SEM1: variants seen among roughly 807,000 people sequenced by gnomAD.
The protein encoded by SEM1 is 26S proteasome complex subunit SEM1.
In SEM1, 3 loss-of-function variants were observed where a neutral mutation model predicts 12.7. That is an observed-to-expected ratio of 0.24 (90% CI 0.11 to 0.61). The LOEUF (loss-of-function observed/expected upper bound fraction) is 0.61, where lower values mean the gene tolerates loss of function less well. Ranked by LOEUF, SEM1 falls within the 20% of genes least tolerant of loss-of-function variation. The pLI is 0.88. For synonymous variants in SEM1, 30 were observed against 27.8 expected (o/e 1.08, Z -0.25); for missense variants, 59 against 81.3 (o/e 0.73, Z 1.06).
intron 2 of SEM1, among the ~76,000 whole-genome samples, chr7:96,579,688 G>C (rs1056158925): frequency 3.8e-4 from 58 of 152,104 alleles, no homozygotes; most frequent in African/African-American, 1.4e-3. Context: ...ACTGCCTCTT[G>C]AAAAGAGTAA....
intron 2 of SEM1, among the ~76,000 whole-genome samples, chr7:96,616,308 T>C (rs1807718821): frequency 6.6e-6 from 1 of 152,226 alleles, no homozygotes; most frequent in Non-Finnish European, 1.5e-5. Flanking sequence ...TGCTGAACAT[T>C]TTTTCATGTT....
intron 1 of SEM1, among the ~76,000 whole-genome samples, chr7:96,701,262 T>C (rs1390029643): frequency 6.6e-6 from 1 of 150,690 alleles, no homozygotes; most frequent in Non-Finnish European, 1.5e-5. Context: ...CCCCAAAAAT[T>C]CTTATGTTGA....
intron 2 of SEM1, among the ~76,000 whole-genome samples, chr7:96,608,372 A>G (rs995914040): frequency 2.0e-5 from 3 of 148,974 alleles, no homozygotes; most frequent in African/African-American, 7.4e-5. Context: ...CACTACTTCC[A>G]TTTTTTTTTT....
chr7:96,590,182 G>T (rs1390455313), intron 2 of SEM1, among the ~76,000 whole-genome samples: 1 of 151,948 alleles, frequency 6.6e-6, no homozygotes. Context: ...ATCAGTTTTG[G>T]CTTTACTCAA....
intron 2 of SEM1, among the ~76,000 whole-genome samples, chr7:96,534,149 T>C (rs1165188968): frequency 6.6e-6 from 1 of 152,070 alleles, no homozygotes; most frequent in African/African-American, 2.4e-5. Context: ...TATACTTAGG[T>C]GTTTGGCAGA....
chr7:96,673,444 A>T (rs1426318167), downstream of SEM1: 2 of 261,656 alleles, frequency 7.6e-6, no homozygotes, highest in Non-Finnish European at 1.5e-5. Context: ...ATGACTTTCC[A>T]CTGAACACTG....
At chr7:96,630,169 C>T (rs1006764495) in intron 2 of SEM1, among the ~76,000 whole-genome samples, 5 of 152,242 alleles carry the variant, frequency 3.3e-5, no homozygotes, top group African/African-American at 1.2e-4. Context: ...TAGGGCTCTA[C>T]ACTTAGCAGG....
chr7:96,697,740 AAAGAG>A (rs1166319366), intron 1 of SEM1, among the ~76,000 whole-genome samples: 4 of 152,138 alleles, frequency 2.6e-5, no homozygotes, highest in Admixed American at 2.6e-4. Flanking sequence ...GGTGTGTGTA[AAAGAG>A]AAGAGCAATA....
At chr7:96,583,829 A>G (rs1806505523) in intron 2 of SEM1, among the ~76,000 whole-genome samples, 1 of 150,254 alleles carries the variant, frequency 6.7e-6, no homozygotes, top group South Asian at 2.2e-4. Context: ...TGCTTGGTAG[A>G]TCTTCCTCCA....
intron 3 of SEM1, among the ~76,000 whole-genome samples, chr7:96,504,194 G>T (rs1803668514): frequency 6.6e-6 from 1 of 152,064 alleles, no homozygotes; most frequent in Non-Finnish European, 1.5e-5. Context: ...AACCTCACAG[G>T]TATGTTGTTT....
chr7:96,706,570 C>CAAA lies in SEM1; in HGVS notation c.76+3115_76+3117dup, dbSNP rs67892273. On this transcript the variant is annotated intron_variant, in intron 1 of 2. Transcript: ENST00000248566. ...AGAGTGAAACTCCATCTCAAACAAA[C>CAAA]AAAAAAAAAAAAAAAAAAAAAAAAA... 8.3e-3 allele frequency among the ~76,000 whole-genome samples: 649 copies of CAAA among 78,084 alleles called. 1 individual carries two copies. The highest frequency in any genetic ancestry group is 0.02 in the African/African-American group (393 of 19,436). The allele number at this position is 78,084 out of a possible 152,430, so 51.2% of individuals were successfully genotyped here.
intron 2 of SEM1, among the ~76,000 whole-genome samples, chr7:96,563,363 G>A (rs1364787871): frequency 1.3e-5 from 2 of 151,974 alleles, no homozygotes; most frequent in Non-Finnish European, 2.9e-5. Flanking sequence ...GGGAAAAAAA[G>A]GAGAAAATAT....
At chr7:96,622,278 AT>A (rs201437995), downstream of SEM1, 1 of 229,772 alleles carries the variant, frequency 4.4e-6, no homozygotes, top group African/African-American at 2.3e-5. Flanking sequence ...GAAAAAAAAA[AT>A]AAAACTAATG....
At chr7:96,579,544 T>G (rs570841848) in intron 2 of SEM1, among the ~76,000 whole-genome samples, 1 of 152,294 alleles carries the variant, frequency 6.6e-6, no homozygotes, top group African/African-American at 2.4e-5. Flanking sequence ...AGAAGCACAT[T>G]GCAGCAATAG....
chr7:96,639,992 A>G (rs563486997), intron 2 of SEM1, among the ~76,000 whole-genome samples: 1 of 151,990 alleles, frequency 6.6e-6, no homozygotes, highest in Non-Finnish European at 1.5e-5. Flanking sequence ...CGTCAAATAA[A>G]TGCAAATTAA....
chr7:96,704,183 G>A (rs986636398), intron 1 of SEM1, among the ~76,000 whole-genome samples: 7 of 151,802 alleles, frequency 4.6e-5, no homozygotes, highest in East Asian at 1.9e-4. Flanking sequence ...AGTATATATC[G>A]TATGTCTTCT....
chr7:96,585,208 G>T lies in SEM1; in HGVS notation c.171-78510C>A, dbSNP rs553972482. Among the ~76,000 whole-genome samples the T allele has an allele frequency of 3.9e-5, 6 of 152,282 alleles. No individual in the cohort carries two copies. The South Asian group carries it at 1.2e-3, about 32-fold the overall frequency. ...TAACAGACAGGACCCTCAGCTGCAG[G>T]TCTGTTGGAATACCCTGCCGTGTGA... is the stretch of plus-strand genomic sequence containing the variant. On this transcript the variant is annotated intron_variant and NMD_transcript_variant, in intron 2 of 3. Transcript: ENST00000466986.
In SEM1 at chr7:96,692,980, G is replaced by A. The variant is rs182917125; in HGVS notation, c.170+1818C>T. Among the ~76,000 whole-genome samples the A allele has an allele frequency of 9.2e-5, 14 of 151,946 alleles. No individual in the cohort carries two copies. In the East Asian group the frequency reaches 2.5e-3, roughly 27 times the overall value. ...TGAGACACGGAAATGAAAAACTGTA[G>A]AAGTATCAGTATAACAGTGAAAGGT... On this transcript the variant is annotated intron_variant, in intron 2 of 2. Coordinates refer to ENST00000248566, the MANE Select transcript of SEM1 (RefSeq NM_006304.2).
intron 2 of SEM1, among the ~76,000 whole-genome samples, chr7:96,616,011 G>A (rs570084340): frequency 1.3e-5 from 2 of 152,198 alleles, no homozygotes; most frequent in African/African-American, 4.8e-5. Flanking sequence ...AGACATATAA[G>A]TGCAGGTATC....
Sources: allele counts gnomAD v4.1 joint callset (sites outside exome capture counted in the v4.1 genomes callset), GRCh38; gene constraint gnomAD v4.1.1; transcripts MANE v1.5; gene names NCBI Gene and HGNC (gene_info 2026-07-23, HGNC 2026-07-21).